The following B4GALT4 variants were observed in gnomAD, a reference collection of about 807,000 sequenced individuals.
B4GALT4 encodes the protein N-acetyllactosamine synthase.
B4GALT4 carries 27 observed loss-of-function variants against 37.3 expected under a neutral mutation model. The ratio of observed to expected loss-of-function variants is 0.72; its 90% CI spans 0.53 to 1.00. B4GALT4 has a LOEUF of 1.00. B4GALT4 is among the 50% of genes least tolerant of loss of function. B4GALT4 has a pLI of 0.00. For missense variants in B4GALT4, 372 were observed against 413.1 expected (o/e 0.90, Z 0.86); for synonymous variants, 148 against 154.1 (o/e 0.96, Z 0.29).
chr3:119,227,433 T>C (rs771522761), intron 3 of B4GALT4, among the ~76,000 whole-genome samples: 48 of 152,184 alleles, frequency 3.2e-4, no homozygotes, highest in Non-Finnish European at 2.5e-4. Context: ...GGAAAATCTC[T>C]TAAATATCAA....
intron 7 of B4GALT4, chr3:119,213,450 A>G (rs2078211019): frequency 6.6e-6 from 1 of 152,260 alleles, no homozygotes; most frequent in Non-Finnish European, 1.5e-5. Flanking sequence ...AGCTAAATAA[A>G]GTCAGAGAAG....
At chr3:119,237,790 T>C (rs1035164176) in intron 1 of B4GALT4, among the ~76,000 whole-genome samples, 1 of 152,238 alleles carries the variant, frequency 6.6e-6, no homozygotes, top group African/African-American at 2.4e-5. Flanking sequence ...TATACCATGA[T>C]ATTCAAACCA....
Position 119,240,869 on chromosome 3 carries a change from A to C in B4GALT4, c.-383T>G, listed in dbSNP as rs1330004081. 6.6e-6 allele frequency: 1 copy of C among 152,178 alleles called. No homozygotes were observed. The highest frequency in any genetic ancestry group is 6.5e-5 in the Admixed American group (1 of 15,286). The allele number at this position is 152,178 out of a possible 1,614,324, so 9.4% of individuals were successfully genotyped here. On this transcript the variant is annotated 5_prime_UTR_variant, in exon 1 of 8. Coordinates refer to ENST00000393765, the MANE Select transcript of B4GALT4 (RefSeq NM_003778.4). ...ACTCACCCCGGAGGCGGCCGCGGCG[A>C]GCTAGCACTGCCCGCGGAGAGGGGA...
intron 2 of B4GALT4, among the ~76,000 whole-genome samples, chr3:119,231,735 T>C (rs2078823749): frequency 6.8e-6 from 1 of 146,496 alleles, no homozygotes; most frequent in Non-Finnish European, 1.5e-5. Context: ...AATTTTTATT[T>C]TTATAAAATT....
rs111567663 is a variant in B4GALT4, at chr3:119,218,600, G to C, written c.797+50C>G. The C allele has an allele frequency of 3.2e-5, 51 of 1,611,924 alleles. 1 individual carries two copies. In the African/African-American group the frequency reaches 5.2e-4, roughly 16 times the overall value. On this transcript the variant is annotated intron_variant, in intron 6 of 7. Coordinates refer to ENST00000393765, the MANE Select transcript of B4GALT4 (RefSeq NM_003778.4). ...ATAAATATAAATGCAGGTCTCCAGA[G>C]CCACACTGAGTGCAGAGCCCCGTGA...
intron 2 of B4GALT4, among the ~76,000 whole-genome samples, chr3:119,234,267 C>T (rs1219063647): frequency 6.6e-6 from 1 of 151,980 alleles, no homozygotes; most frequent in Non-Finnish European, 1.5e-5. Flanking sequence ...ACAGGCATGC[C>T]CCACCATACC....
chr3:119,234,799 A>G (rs1315987604), intron 2 of B4GALT4, among the ~76,000 whole-genome samples: 1 of 152,230 alleles, frequency 6.6e-6, no homozygotes, highest in African/African-American at 2.4e-5. Flanking sequence ...TATTGAGAAC[A>G]AATTCAGGCA....
At chr3:119,229,528 A>C (rs1354343096) in intron 3 of B4GALT4, among the ~76,000 whole-genome samples, 2 of 152,228 alleles carry the variant, frequency 1.3e-5, no homozygotes, top group Admixed American at 6.5e-5. Context: ...TCTAATGTGT[A>C]GAGTTAGAAT....
chr3:119,230,155 T>C lies in B4GALT4; in HGVS notation c.-56A>G, dbSNP rs2078762068. The C allele has an allele frequency of 6.3e-7, 1 of 1,591,318 alleles. No individual in the cohort carries two copies. Among genetic ancestry groups the C allele is most frequent in the Non-Finnish European group, 8.6e-7 (1 of 1,168,016 alleles). ...TCTGCTTCACTGCAGGCAAGAAAGCTTCAAGTTGAGCTTTTCCAATCTGAT... is the reference window on the plus strand; with the variant it reads ...TCTGCTTCACTGCAGGCAAGAAAGCCTCAAGTTGAGCTTTTCCAATCTGAT... On this transcript the variant is annotated 5_prime_UTR_variant, in exon 3 of 8. Transcript: ENST00000393765.
rs2079001997 is a variant in B4GALT4, at chr3:119,236,937, G to T, written c.-230C>A. On this transcript the variant is annotated 5_prime_UTR_variant, in exon 2 of 8. Transcript: ENST00000393765. ...TGATACTTCTCCTTGGCTTGGGGAG[G>T]AAGTGTTGCGTGGCCTGCCTCTTCC... 1 of 152,098 alleles carries T rather than the reference G, an allele frequency of 6.6e-6. No homozygotes were observed. The highest frequency in any genetic ancestry group is 2.4e-5 in the African/African-American group (1 of 41,406). 9.4% of individuals were successfully genotyped at this position (152,098 alleles called of 1,614,324 possible).
intron 4 of B4GALT4, chr3:119,226,401 T>C (rs1486129915): frequency 1.1e-5 from 2 of 175,986 alleles, no homozygotes; most frequent in Non-Finnish European, 2.4e-5. Flanking sequence ...AGAATGTTCT[T>C]TCAAATCCTC....
chr3:119,238,568 G>A (rs1464850354), intron 1 of B4GALT4, among the ~76,000 whole-genome samples: 1 of 152,152 alleles, frequency 6.6e-6, no homozygotes, highest in East Asian at 1.9e-4. Flanking sequence ...TTTTGAGAAA[G>A]AGATGACATT....
chr3:119,216,406 A>G, intron 6 of B4GALT4, 62 bp from the exon 7 acceptor site: 1 of 1,396,726 alleles, frequency 7.2e-7, no homozygotes. Context: ...AGGCAAATAA[A>G]AAGCATCATT....
chr3:119,216,370 A>G (rs867806659), intron 6 of B4GALT4, 26 bp from the exon 7 acceptor site: 2 of 1,591,512 alleles, frequency 1.3e-6, no homozygotes, highest in South Asian at 1.1e-5. Flanking sequence ...AGATTTTTTT[A>G]AAGTCCATCC....
chr3:119,221,669 A>C (rs538526966), intron 5 of B4GALT4, among the ~76,000 whole-genome samples: 51 of 152,362 alleles, frequency 3.3e-4, no homozygotes, highest in Non-Finnish European at 5.4e-4. Context: ...GGACCCTAGA[A>C]ACATTTAAAT....
chr3:119,212,235 T>A lies in B4GALT4; in HGVS notation c.*314A>T. 2.8e-6 allele frequency: 2 copies of A among 702,922 alleles called. No homozygotes were observed. The highest frequency in any genetic ancestry group is 3.0e-5 in the South Asian group (2 of 67,546). The allele number at this position is 702,922 out of a possible 1,614,324, so 43.5% of individuals were successfully genotyped here. A position where few individuals can be genotyped will look rare whatever the true frequency, so the allele number is the denominator to read the frequency against. On this transcript the variant is annotated 3_prime_UTR_variant, in exon 8 of 8. Transcript: ENST00000393765. The stretch of plus-strand genomic sequence containing the variant: ...CATAATATATTACTTCAAATTTAAA[T>A]AAATCTCCTTCAACCAGAGTCCTCA...
At chr3:119,224,331 A>T in intron 4 of B4GALT4, 86 bp from the exon 5 acceptor site, 1 of 891,790 alleles carries the variant, frequency 1.1e-6, no homozygotes, top group East Asian at 2.8e-5. Context: ...AGGAGATGGT[A>T]TTATTCTAAT....
At chr3:119,231,741 AAATTT>A (rs1203534753) in intron 2 of B4GALT4, among the ~76,000 whole-genome samples, 4 of 145,786 alleles carry the variant, frequency 2.7e-5, no homozygotes, top group East Asian at 3.9e-4. Context: ...TATTTTTATA[AAATTT>A]ATTTTATAAA....
intron 6 of B4GALT4, 81 bp downstream of exon 6, chr3:119,218,568 TA>T: frequency 6.3e-7 from 1 of 1,580,264 alleles, no homozygotes; most frequent in Non-Finnish European, 8.6e-7. Context: ...GACTGGCATC[TA>T]AAGGAATAAA....
Sources: allele counts gnomAD v4.1 joint callset (sites outside exome capture counted in the v4.1 genomes callset), GRCh38; gene constraint gnomAD v4.1.1; transcripts MANE v1.5; gene names NCBI Gene and HGNC (gene_info 2026-07-23, HGNC 2026-07-21).